Variants in GRM3 observed in about 807,000 individuals in gnomAD.
The protein encoded by GRM3 is glutamate metabotropic receptor 3, also known as metabotropic glutamate receptor 3.
In GRM3, 26 loss-of-function variants were observed where a neutral mutation model predicts 70.5. The observed-to-expected ratio is 0.37, with a 90% CI of 0.27 to 0.51. The LOEUF (loss-of-function observed/expected upper bound fraction) is 0.51, where lower values mean the gene tolerates loss of function less well. Among genes scored for constraint, GRM3 ranks in the 20% least tolerant of loss-of-function variants. The probability of loss-of-function intolerance (pLI) is 0.93; values close to 1 mark genes in which losing one functional copy is unlikely to be tolerated. For missense variants in GRM3, 859 were observed against 1,123.8 expected (o/e 0.76, Z 3.37); for synonymous variants, 443 against 434.9 (o/e 1.02, Z -0.23).
At chr7:86,658,430 G>A (rs1793803634) in intron 1 of GRM3, among the ~76,000 whole-genome samples, 1 of 152,052 alleles carries the variant, frequency 6.6e-6, no homozygotes, top group African/African-American at 2.4e-5. Context: ...AAACTTCCTA[G>A]TGCACTGGTC....
chr7:86,647,263 C>T (rs909627077), intron 1 of GRM3, among the ~76,000 whole-genome samples: 1 of 152,120 alleles, frequency 6.6e-6, no homozygotes, highest in African/African-American at 2.4e-5. Context: ...CCAAATAAAA[C>T]TGTTGTCTTT....
At chr7:86,776,622 CT>C (rs1363478152) in intron 2 of GRM3, among the ~76,000 whole-genome samples, 8 of 152,070 alleles carry the variant, frequency 5.3e-5, no homozygotes, top group Admixed American at 2.6e-4. Context: ...ATTGGCATGC[CT>C]TTTGTTATTG....
chr7:86,743,889 T>C (rs1314202822), intron 1 of GRM3, among the ~76,000 whole-genome samples: 1 of 152,142 alleles, frequency 6.6e-6, no homozygotes, highest in Non-Finnish European at 1.5e-5. Context: ...AAGAGAGCTG[T>C]GTGAGACTAT....
Position 86,864,301 on chromosome 7 carries a change from G to A in GRM3, c.2586G>A (p.Val862=). Residue 862 remains valine, a synonymous_variant, in exon 6 of 6, where the codon GTG becomes GTA. Transcript: ENST00000361669. ...TYSQSSASTY[V]PTVCNGREVL... ...TTCCAGCCTCTGCAAGCACGTATGT[G>A]CCAACGGTGTGCAATGGGCGGGAAG... The A allele has an allele frequency of 3.1e-6, 5 of 1,599,670 alleles. No homozygotes were observed. The highest frequency in any genetic ancestry group is 3.4e-6 in the Non-Finnish European group (4 of 1,166,982).
rs116383389 is a variant in GRM3 at position 86,704,165 on chromosome 7, T to C, written c.-141+59293T>C. Among the ~76,000 whole-genome samples the C allele has an allele frequency of 2.9e-3, 443 of 152,116 alleles. 3 individuals carry two copies. Among genetic ancestry groups the C allele is most frequent in the African/African-American group, 0.01 (429 of 41,552 alleles). ...AACCAAATATTTTCATATTATGTAT[T>C]ACTAAAAAGTACTAGCGTTTTTCTC... On this transcript the variant is annotated intron_variant, in intron 1 of 5. Coordinates refer to ENST00000361669, the MANE Select transcript of GRM3 (RefSeq NM_000840.3).
chr7:86,724,461 AT>A (rs1795545653), intron 1 of GRM3, among the ~76,000 whole-genome samples: 1 of 152,100 alleles, frequency 6.6e-6, no homozygotes, highest in East Asian at 1.9e-4. Context: ...CAATTTCCAT[AT>A]TGCAGAGTTG....
At chr7:86,759,742 A>C (rs1222916834) in intron 1 of GRM3, among the ~76,000 whole-genome samples, 2 of 152,142 alleles carry the variant, frequency 1.3e-5, no homozygotes, top group African/African-American at 4.8e-5. Context: ...ATGGAAGGCT[A>C]CAAGGAAAAG....
chr7:86,754,114 C>T lies in GRM3; in HGVS notation c.-140-10892C>T, dbSNP rs188272193. Among the ~76,000 whole-genome samples the T allele has an allele frequency of 3.3e-3, 496 of 152,200 alleles. 4 individuals carry two copies. The highest frequency in any genetic ancestry group is 0.011 in the African/African-American group (465 of 41,550). ...TTATCAATGGCATTTAATTGTCTATCTGATGAGATCAGGATTATTCTAAGC... is the reference window on the plus strand; with the variant it reads ...TTATCAATGGCATTTAATTGTCTATTTGATGAGATCAGGATTATTCTAAGC... On this transcript the variant is annotated intron_variant, in intron 1 of 5. Coordinates refer to ENST00000361669, the MANE Select transcript of GRM3 (RefSeq NM_000840.3).
Position 86,838,867 on chromosome 7 carries a change from T to C in GRM3, c.1353T>C (p.Asp451=). Residue 451 remains aspartate, a synonymous_variant, in exon 4 of 6, where the codon GAT becomes GAC. Coordinates refer to ENST00000361669, the MANE Select transcript of GRM3 (RefSeq NM_000840.3). ...TAPFNPNKDA[D]SIVKFDTFGD... ...CATTCAACCCAAATAAAGATGCAGA[T>C]AGCATAGTCAAGTTTGACACTTTTG... The C allele has an allele frequency of 6.2e-7, 1 of 1,610,952 alleles. No individual in the cohort carries two copies. The highest frequency in any genetic ancestry group is 8.5e-7 in the Non-Finnish European group (1 of 1,177,706).
intron 1 of GRM3, among the ~76,000 whole-genome samples, chr7:86,645,998 T>TG (rs1793456916): frequency 3.1e-4 from 2 of 6,408 alleles, no homozygotes; most frequent in African/African-American, 5.6e-4. Context: ...GGGGTGGGGG[T>TG]GGGGGGGTGG....
At chr7:86,666,245 T>G (rs1028394431) in intron 1 of GRM3, among the ~76,000 whole-genome samples, 1 of 152,064 alleles carries the variant, frequency 6.6e-6, no homozygotes, top group Non-Finnish European at 1.5e-5. Flanking sequence ...GAAAATGACC[T>G]GATTAGCTTC....
At chr7:86,803,716 G>A (rs1168146422) in intron 3 of GRM3, among the ~76,000 whole-genome samples, 1 of 152,120 alleles carries the variant, frequency 6.6e-6, no homozygotes, top group Admixed American at 6.6e-5. Flanking sequence ...TGCAGGCACA[G>A]CCCTTTTTTC....
At chr7:86,693,106 G>T (rs1024415478) in intron 1 of GRM3, among the ~76,000 whole-genome samples, 1 of 152,236 alleles carries the variant, frequency 6.6e-6, no homozygotes, top group Non-Finnish European at 1.5e-5. Flanking sequence ...GGGTGAACAC[G>T]GAATAAGGTT....
intron 1 of GRM3, among the ~76,000 whole-genome samples, chr7:86,707,213 A>T (rs941324457): frequency 1.8e-4 from 28 of 152,120 alleles, no homozygotes; most frequent in African/African-American, 6.3e-4. Flanking sequence ...TGGTACACTC[A>T]GACAACAGAT....
chr7:86,709,384 T>A (rs1200678271), intron 1 of GRM3, among the ~76,000 whole-genome samples: 1 of 152,072 alleles, frequency 6.6e-6, no homozygotes, highest in East Asian at 1.9e-4. Context: ...TAATCACTCA[T>A]CTTATAGGAG....
At chr7:86,782,075 C>T (rs1797080060) in intron 2 of GRM3, among the ~76,000 whole-genome samples, 3 of 152,152 alleles carry the variant, frequency 2.0e-5, no homozygotes, top group Non-Finnish European at 4.4e-5. Context: ...CTAAGTGTTT[C>T]CATGCTCTCT....
intron 1 of GRM3, among the ~76,000 whole-genome samples, chr7:86,744,741 T>G (rs1373766140): frequency 6.6e-6 from 1 of 152,066 alleles, no homozygotes; most frequent in Non-Finnish European, 1.5e-5. Flanking sequence ...AAAATAGTGT[T>G]AAGAAACTTA....
intron 1 of GRM3, among the ~76,000 whole-genome samples, chr7:86,667,229 C>T (rs1489376909): frequency 2.0e-5 from 3 of 152,086 alleles, no homozygotes; most frequent in Non-Finnish European, 2.9e-5. Flanking sequence ...AGTTGCCTGA[C>T]TGGCCCAGAT....
At chr7:86,721,170 A>G (rs1245366861) in intron 1 of GRM3, among the ~76,000 whole-genome samples, 3 of 152,082 alleles carry the variant, frequency 2.0e-5, no homozygotes, top group Non-Finnish European at 4.4e-5. Context: ...CCCATTGCTC[A>G]GTACCAAGTT....
Sources: allele counts gnomAD v4.1 joint callset (sites outside exome capture counted in the v4.1 genomes callset), GRCh38; gene constraint gnomAD v4.1.1; transcripts MANE v1.5; gene names NCBI Gene and HGNC (gene_info 2026-07-23, HGNC 2026-07-21).